Variants in CCDC148 observed in about 807,000 individuals in gnomAD.
The protein encoded by CCDC148 is coiled-coil domain-containing protein 148.
CCDC148 carries 89 observed loss-of-function variants against 85.7 expected under a neutral mutation model. That is an observed-to-expected ratio of 1.04 (90% CI 0.87 to 1.24). The LOEUF (loss-of-function observed/expected upper bound fraction) is 1.24, where lower values mean the gene tolerates loss of function less well. Among genes scored for constraint, CCDC148 ranks in the 50% most tolerant of loss-of-function variants. The pLI, the probability that CCDC148 is intolerant of heterozygous loss-of-function variation, is 0.00. For missense variants in CCDC148, 692 were observed against 671.7 expected, an observed-to-expected ratio of 1.03 and a Z score of -0.33; for synonymous variants, 230 against 213.9, an observed-to-expected ratio of 1.08 and a Z score of -0.66.
intron 9 of CCDC148, among the ~76,000 whole-genome samples, chr2:158,279,563 G>C (rs539661942): frequency 6.6e-6 from 1 of 151,862 alleles, no homozygotes; most frequent in Admixed American, 6.6e-5. Flanking sequence ...AAGTGAGAAG[G>C]TAAGTTTAGA....
intron 9 of CCDC148, among the ~76,000 whole-genome samples, chr2:158,299,821 T>C (rs926407228): frequency 2.0e-5 from 3 of 152,174 alleles, no homozygotes; most frequent in African/African-American, 7.2e-5. Context: ...GGGGGAATTA[T>C]GGAAGGAATT....
At chr2:158,399,056 C>A (rs1340137984) in intron 1 of CCDC148, among the ~76,000 whole-genome samples, 21 of 152,114 alleles carry the variant, frequency 1.4e-4, no homozygotes, top group Admixed American at 1.2e-3. Flanking sequence ...GACACATACA[C>A]CCTCCTAAGA....
rs895417134 is a variant in CCDC148 at position 158,337,890 on chromosome 2, A to T, written c.764+836T>A. 5.3e-5 allele frequency among the ~76,000 whole-genome samples: 8 copies of T among 152,340 alleles called. No individual in the cohort carries two copies. In the South Asian group the frequency reaches 1.4e-3, roughly 28 times the overall value. On this transcript the variant is annotated intron_variant, in intron 7 of 13. Coordinates refer to ENST00000283233, the MANE Select transcript of CCDC148 (RefSeq NM_138803.4). The stretch of plus-strand genomic sequence containing the variant: ...GCAGTTCACAGGCAATTCATAAGAA[A>T]TATAAATATTTGTCATATTCGTCTT...
chr2:158,383,318 A>G (rs1684955561), intron 1 of CCDC148, among the ~76,000 whole-genome samples: 1 of 150,766 alleles, frequency 6.6e-6, no homozygotes, highest in Non-Finnish European at 1.5e-5. Flanking sequence ...CTCCATCTCA[A>G]AAAAAAAAAT....
At chr2:158,243,478 A>G (rs1291127474) in intron 10 of CCDC148, among the ~76,000 whole-genome samples, 1 of 152,106 alleles carries the variant, frequency 6.6e-6, no homozygotes, top group Non-Finnish European at 1.5e-5. Flanking sequence ...TTGGGAATTC[A>G]CTACCTCAGA....
chr2:158,309,673 T>G (rs1335845314), intron 8 of CCDC148, 34 bp from the exon 9 acceptor site: 1 of 1,399,230 alleles, frequency 7.1e-7, no homozygotes, highest in Admixed American at 2.0e-5. Context: ...TACTTATCAT[T>G]ATGAAAATGA....
At chr2:158,397,938 C>A (rs185748320) in intron 1 of CCDC148, among the ~76,000 whole-genome samples, 1 of 152,030 alleles carries the variant, frequency 6.6e-6, no homozygotes, top group Admixed American at 6.6e-5. Context: ...GAAGGAAGAT[C>A]CACCAAACAA....
intron 7 of CCDC148, among the ~76,000 whole-genome samples, chr2:158,317,414 A>C (rs1692331524): frequency 6.6e-6 from 1 of 152,210 alleles, no homozygotes; most frequent in Non-Finnish European, 1.5e-5. Context: ...TTCAATTCTC[A>C]TTCACCATCC....
chr2:158,426,866 C>T (rs1466150503), intron 1 of CCDC148, among the ~76,000 whole-genome samples: 1 of 152,148 alleles, frequency 6.6e-6, no homozygotes, highest in African/African-American at 2.4e-5. Context: ...AGGATAAGTA[C>T]CAATGTTGGC....
At chr2:158,184,597 G>A (rs1238590415) in intron 11 of CCDC148, among the ~76,000 whole-genome samples, 2 of 152,042 alleles carry the variant, frequency 1.3e-5, no homozygotes, top group African/African-American at 4.8e-5. Context: ...TTTTCAGATT[G>A]CTACAGAATC....
chr2:158,285,919 A>G (rs911902546), intron 9 of CCDC148, among the ~76,000 whole-genome samples: 3 of 152,120 alleles, frequency 2.0e-5, no homozygotes, highest in Non-Finnish European at 4.4e-5. Flanking sequence ...CTTCTATTCA[A>G]TACTGTAATG....
At chr2:158,339,908 A>G (rs1348509547) in intron 5 of CCDC148, among the ~76,000 whole-genome samples, 1 of 152,166 alleles carries the variant, frequency 6.6e-6, no homozygotes, top group African/African-American at 2.4e-5. Context: ...TACTCACAGG[A>G]GCCCCTAGGG....
rs138103149 is a variant in CCDC148 at position 158,412,999 on chromosome 2, A to G, written c.25+43416T>C. On this transcript the variant is annotated intron_variant, in intron 1 of 13. Transcript: ENST00000283233. Reference sequence around the variant, plus strand: ...GTATATCTCCTAATGCTATAGCAATATAACTATTAAAAATTAGTTTTGTAA... The same window carrying G: ...GTATATCTCCTAATGCTATAGCAATGTAACTATTAAAAATTAGTTTTGTAA... Among the ~76,000 whole-genome samples, 537 of 152,030 alleles carry G rather than the reference A, an allele frequency of 3.5e-3. 2 individuals are homozygous for G. Among genetic ancestry groups the G allele is most frequent in the African/African-American group, 0.012 (502 of 41,518 alleles).
At chr2:158,423,792 G>A (rs527970514) in intron 1 of CCDC148, among the ~76,000 whole-genome samples, 2 of 152,172 alleles carry the variant, frequency 1.3e-5, no homozygotes, top group Admixed American at 1.3e-4. Context: ...CTACAGAATG[G>A]GAGAAAATTT....
intron 1 of CCDC148, among the ~76,000 whole-genome samples, chr2:158,442,930 T>C (rs1687995789): frequency 6.6e-6 from 1 of 152,222 alleles, no homozygotes; most frequent in Non-Finnish European, 1.5e-5. Flanking sequence ...CCAGGCAGTC[T>C]GGCTCCAACG....
At position 158,425,580 on chromosome 2, in the gene CCDC148, T is replaced by C. The variant is rs186426289; in HGVS notation, c.25+30835A>G. 6.6e-4 allele frequency among the ~76,000 whole-genome samples: 101 copies of C among 152,310 alleles called. 2 individuals are homozygous for C. The highest frequency in any genetic ancestry group is 1.2e-4 in the Non-Finnish European group (8 of 68,022). ...TAAACCTCAAATAAATGCTTCCTTATGTGATTATTTTTCTGTGTCAGGTAC... is the reference window on the plus strand; with the variant it reads ...TAAACCTCAAATAAATGCTTCCTTACGTGATTATTTTTCTGTGTCAGGTAC... On this transcript the variant is annotated intron_variant, in intron 1 of 13. Transcript: ENST00000283233.
intron 1 of CCDC148, among the ~76,000 whole-genome samples, chr2:158,439,010 A>G (rs1687804858): frequency 6.6e-6 from 1 of 152,178 alleles, no homozygotes; most frequent in Non-Finnish European, 1.5e-5. Context: ...AAATAGGAAC[A>G]CTTTTACACT....
At position 158,300,804 on chromosome 2, in the gene CCDC148, A is replaced by G. The variant is rs192283683; in HGVS notation, c.1110+8629T>C. Among the ~76,000 whole-genome samples, 964 of 152,310 alleles carry G rather than the reference A, an allele frequency of 6.3e-3. 5 individuals are homozygous for G. Among genetic ancestry groups the G allele is most frequent in the South Asian group, 0.014 (66 of 4,830 alleles). ...GACAGCCATGCCAGAAAGTTGGGCC[A>G]TTACTGTAAGCAAATGAGATGGTAT... On this transcript the variant is annotated intron_variant, in intron 9 of 13. Coordinates refer to ENST00000283233, the MANE Select transcript of CCDC148 (RefSeq NM_138803.4).
chr2:158,289,325 C>A (rs578027038), intron 9 of CCDC148, among the ~76,000 whole-genome samples: 1 of 151,756 alleles, frequency 6.6e-6, no homozygotes, highest in African/African-American at 2.4e-5. Context: ...AAACATATAA[C>A]CCACAAAGAA....
Sources: gnomAD v4.1 joint callset for allele counts (sites outside exome capture counted in the v4.1 genomes callset) on GRCh38, gnomAD v4.1.1 for gene constraint, MANE v1.5 for transcripts, NCBI Gene and HGNC (gene_info 2026-07-23, HGNC 2026-07-21) for gene names.